INA: variants seen among roughly 807,000 people sequenced by gnomAD.
INA encodes internexin neuronal intermediate filament protein alpha.
INA carries 35 observed loss-of-function variants against 40.1 expected under a neutral mutation model. The ratio of observed to expected loss-of-function variants is 0.87; its 90% confidence interval spans 0.67 to 1.16. INA has a LOEUF of 1.16. INA is among the 50% of genes most tolerant of loss of function. The probability of loss-of-function intolerance (pLI) is 0.00; values close to 1 mark genes in which losing one functional copy is unlikely to be tolerated. For missense variants in INA, 594 were observed against 686.7 expected (o/e 0.87, Z 1.51); for synonymous variants, 290 against 316.9 (o/e 0.92, Z 0.90).
intron 2 of INA, among the ~76,000 whole-genome samples, chr10:103,287,674 G>A (rs1035244761): frequency 6.7e-6 from 1 of 149,852 alleles, no homozygotes; most frequent in African/African-American, 2.5e-5. Flanking sequence ...GGTGGAGGTT[G>A]CAGTGAGCTG....
chr10:103,282,898 G>GT (rs891292652), intron 1 of INA, among the ~76,000 whole-genome samples: 2 of 152,156 alleles, frequency 1.3e-5, no homozygotes, highest in East Asian at 3.8e-4. Context: ...GGGCCATGTG[G>GT]TATGATATTA....
chr10:103,287,808 A>G (rs1040949481), intron 2 of INA, among the ~76,000 whole-genome samples: 17 of 151,612 alleles, frequency 1.1e-4, no homozygotes, highest in African/African-American at 4.1e-4. Context: ...CCACTCTTTT[A>G]TAAGACTGTT....
At chr10:103,281,941 C>T (rs2093073687) in intron 1 of INA, among the ~76,000 whole-genome samples, 1 of 152,222 alleles carries the variant, frequency 6.6e-6, no homozygotes, top group African/African-American at 2.4e-5. Context: ...TCAGGCTAAG[C>T]CGGCAGCAGC....
At chr10:103,287,195 G>A (rs1270213581) in intron 2 of INA, 36 bp downstream of exon 2, 14 of 1,601,342 alleles carry the variant, frequency 8.7e-6, no homozygotes, top group Non-Finnish European at 1.2e-5. Flanking sequence ...AGTAAATCCA[G>A]TCACCTAGGG....
At chr10:103,279,927 A>G in intron 1 of INA, 1 of 1,289,258 alleles carries the variant, frequency 7.8e-7, no homozygotes, top group Non-Finnish European at 1.0e-6. Context: ...TTGAGACTTC[A>G]TTTTTTTCTT....
chr10:103,288,510 G>A lies in INA; in HGVS notation c.1341G>A (p.Lys447=). The A allele has an allele frequency of 6.2e-7, 1 of 1,613,894 alleles. No homozygotes were observed. The highest frequency in any genetic ancestry group is 8.5e-7 in the Non-Finnish European group (1 of 1,179,986). ...SKVSSTGLSL[K]KEEEEEEASK... ...TCTCATCCACTGGGCTATCACTTAAGAAAGAGGAGGAGGAGGAGGAGGCAT... is the reference window on the plus strand; with the variant it reads ...TCTCATCCACTGGGCTATCACTTAAAAAAGAGGAGGAGGAGGAGGAGGCAT... Residue 447 remains lysine (K), a synonymous_variant, in exon 3 of 3, where the codon AAG becomes AAA. Transcript: ENST00000369849.
At chr10:103,282,608 G>T (rs960369396) in intron 1 of INA, among the ~76,000 whole-genome samples, 2 of 152,126 alleles carry the variant, frequency 1.3e-5, no homozygotes, top group African/African-American at 2.4e-5. Flanking sequence ...TGACCTAAAA[G>T]ATGTCACCGA....
At position 103,288,744 on chromosome 10, in the gene INA, A is replaced by G. The variant is rs1292869130; in HGVS notation, c.*75A>G. 1.1e-6 allele frequency: 1 copy of G among 898,172 alleles called. No homozygotes were observed. Among genetic ancestry groups the G allele is most frequent in the Middle Eastern group, 3.5e-4 (1 of 2,824 alleles). 55.6% of individuals were successfully genotyped at this position (898,172 alleles called of 1,614,324 possible). A position where few individuals can be genotyped will look rare whatever the true frequency, so the allele number is the denominator to read the frequency against. On this transcript the variant is annotated 3_prime_UTR_variant, in exon 3 of 3. Transcript: ENST00000369849. ...GACTTGTTAAACAGCCTATTCCTGA[A>G]CTATAACACCTGCCACCACTATAAA...
intron 1 of INA, among the ~76,000 whole-genome samples, chr10:103,279,175 G>T (rs2093067615): frequency 6.6e-6 from 1 of 152,012 alleles, no homozygotes; most frequent in Admixed American, 6.6e-5. Flanking sequence ...TCACCTCATA[G>T]ACAACATCAG....
Position 103,277,392 on chromosome 10 carries a change from G to C in INA, c.181G>C (p.Gly61Arg). ...CGCCTGCTCCTCGGCCTCGTCGCTC[G>C]GCCTCGGCCTGGCCTATCGCCGGCC... Reference protein sequence around the residue: ...SAACSSASSLGLGLAYRRPPA... With the variant: ...SAACSSASSLRLGLAYRRPPA... Residue 61 changes from glycine to arginine, a missense_variant, in exon 1 of 3, where the codon GGC becomes CGC. Physicochemically the swap from Gly to Arg is moderately radical, Grantham distance 125. Coordinates refer to ENST00000369849, the MANE Select transcript of INA (RefSeq NM_032727.4). The surrounding 1 kb of genome is among the most constrained non-coding windows in gnomAD (Gnocchi z 5.6). The C allele has an allele frequency of 6.4e-7, 1 of 1,553,820 alleles. No homozygotes were observed. Among genetic ancestry groups the C allele is most frequent in the Non-Finnish European group, 8.6e-7 (1 of 1,157,866 alleles).
At chr10:103,284,789 A>G (rs2093081478) in intron 1 of INA, among the ~76,000 whole-genome samples, 1 of 151,948 alleles carries the variant, frequency 6.6e-6, no homozygotes, top group Non-Finnish European at 1.5e-5. Context: ...ATTTCATATA[A>G]TGGTAAGAGC....
rs1025490842 is a variant in INA, at chr10:103,289,569, T to G, written c.*900T>G. 3.9e-5 allele frequency: 6 copies of G among 152,652 alleles called. No homozygotes were observed. Among genetic ancestry groups the G allele is most frequent in the African/African-American group, 1.4e-4 (6 of 41,456 alleles). 9.5% of individuals were successfully genotyped at this position (152,652 alleles called of 1,614,324 possible). A position where few individuals can be genotyped will look rare whatever the true frequency, so the allele number is the denominator to read the frequency against. The stretch of plus-strand genomic sequence containing the variant: ...ATCCCAAACTGTGATGAAGCCGACC[T>G]TAGATTTAGTAGTGTAAGCTAGAAG... On this transcript the variant is annotated 3_prime_UTR_variant, in exon 3 of 3. Transcript: ENST00000369849.
chr10:103,277,257 C>T lies in INA; in HGVS notation c.46C>T (p.Arg16Cys), dbSNP rs1416227275. The T allele has an allele frequency of 6.3e-7, 1 of 1,594,924 alleles. No homozygotes were observed. Among genetic ancestry groups the T allele is most frequent in the Admixed American group, 1.7e-5 (1 of 59,090 alleles). Residue 16 changes from arginine (R) to cysteine (C), a missense_variant, in exon 1 of 3, where the codon CGC becomes TGC. This residue lies in a region of INA where 215 missense variants were observed against 190.6 expected (regional missense o/e 1.13). Coordinates refer to ENST00000369849, the MANE Select transcript of INA (RefSeq NM_032727.4). This position sits in a 1 kb window ranked among gnomAD's most constrained non-coding sequence, Gnocchi z 5.6. ...CTACCTGTGCTCCTCCTCCTCCTAC[C>T]GCAAGGTGTTCGGGGATGGCTCTCG... is the stretch of plus-strand genomic sequence containing the variant. The part of the protein sequence containing the change: ...EHYLCSSSSY[R>C]KVFGDGSRLS...
intron 1 of INA, among the ~76,000 whole-genome samples, chr10:103,281,768 C>G (rs2093072946): frequency 6.6e-6 from 1 of 152,216 alleles, no homozygotes; most frequent in South Asian, 2.1e-4. Context: ...TTCTTCTTCA[C>G]CACTGCAGAT....
At chr10:103,288,329 T>G (rs895394717) in intron 2 of INA, 31 bp from the exon 3 acceptor site, 3 of 1,558,540 alleles carry the variant, frequency 1.9e-6, no homozygotes, top group Non-Finnish European at 2.6e-6. Flanking sequence ...GTTATTGACT[T>G]CCTAAGAGTT....
rs1360216685 is a variant in INA at position 103,278,778 on chromosome 10, G to T, written c.1065+502G>T. 6.6e-6 allele frequency among the ~76,000 whole-genome samples: 1 copy of T among 151,968 alleles called. No individual in the cohort carries two copies. The highest frequency in any genetic ancestry group is 1.5e-5 in the Non-Finnish European group (1 of 68,002). ...GGGAAGAGTCCTATCCCATTTTCTT[G>T]ACTTTCGCGCTCCAAAAAGTAGAGA... is the stretch of plus-strand genomic sequence containing the variant. On this transcript the variant is annotated intron_variant, in intron 1 of 2. Coordinates refer to ENST00000369849, the MANE Select transcript of INA (RefSeq NM_032727.4). This position sits in a 1 kb window ranked among gnomAD's most constrained non-coding sequence, Gnocchi z 4.9.
At chr10:103,284,783 C>A (rs2093081464) in intron 1 of INA, among the ~76,000 whole-genome samples, 2 of 151,428 alleles carry the variant, frequency 1.3e-5, no homozygotes, top group Non-Finnish European at 2.9e-5. Context: ...AAGATAATTT[C>A]ATATAATGGT....
In INA at chr10:103,277,221, G is replaced by T; in HGVS notation, c.10G>T (p.Gly4Cys). 2 of 1,578,896 alleles carry T rather than the reference G, an allele frequency of 1.3e-6. No homozygotes were observed. Among genetic ancestry groups the T allele is most frequent in the South Asian group, 2.3e-5 (2 of 88,332 alleles). The change falls in exon 1 of 3, where the codon GGC (glycine) becomes TGC (cysteine). Residue 4 changes from glycine (G) to cysteine (C), a missense_variant. Transcript: ENST00000369849. The surrounding 1 kb of genome is among the most constrained non-coding windows in gnomAD (Gnocchi z 5.6). ...CCCCGATCCCGGCACCATGAGCTTC[G>T]GCTCGGAGCACTACCTGTGCTCCTC... Reference protein sequence around the residue: MSFGSEHYLCSSSS... With the variant: MSFCSEHYLCSSSS...
Position 103,277,653 on chromosome 10 carries a change from C to T in INA, c.442C>T (p.Arg148Cys), listed in dbSNP as rs2093062729. 1.4e-6 allele frequency: 2 copies of T among 1,389,496 alleles called. No homozygotes were observed. The highest frequency in any genetic ancestry group is 1.5e-5 in the African/African-American group (1 of 65,580). The allele number at this position is 1,389,496 out of a possible 1,614,324, so 86.1% of individuals were successfully genotyped here. A position where few individuals can be genotyped will look rare whatever the true frequency, so the allele number is the denominator to read the frequency against. ...CGGCGAGCTCTTCCAGCGCGAGCTG[C>T]GCGACCTGCGCGCGCAGCTGGAGGA... ...RVGELFQREL[R>C]DLRAQLEEAS... The change falls in exon 1 of 3, where the codon CGC (arginine) becomes TGC (cysteine). Residue 148 changes from arginine to cysteine, a missense_variant. Transcript: ENST00000369849. The surrounding 1 kb of genome is among the most constrained non-coding windows in gnomAD (Gnocchi z 5.6).
Sources: gnomAD v4.1 joint callset for allele counts (sites outside exome capture counted in the v4.1 genomes callset) on GRCh38, gnomAD v4.1.1 for gene constraint, gnomAD v4.1.1 regional missense constraint, Gnocchi (gnomAD v3.1) non-coding constraint, MANE v1.5 for transcripts, NCBI Gene and HGNC (gene_info 2026-07-23, HGNC 2026-07-21) for gene names.